The following POM121 variants were observed in gnomAD, a reference collection of about 807,000 sequenced individuals.
POM121 encodes the protein POM121 transmembrane nucleoporin.
Under a neutral mutation model 81.3 loss-of-function variants are expected in POM121, and 32 were observed. The ratio of observed to expected loss-of-function variants is 0.39; its 90% confidence interval spans 0.30 to 0.53. POM121 has a LOEUF of 0.53. Among genes scored for constraint, POM121 ranks in the 20% least tolerant of loss-of-function variants. The pLI is 0.66. For missense variants in POM121, 1,138 were observed against 1,614.6 expected (o/e 0.70, Z 5.06); for synonymous variants, 514 against 694.2 (o/e 0.74, Z 4.08).
rs1044509 is a variant in POM121, at chr7:72,947,868, T to C, written c.*1634T>C. 1.0e-6 allele frequency: 1 copy of C among 993,200 alleles called. No homozygotes were observed. Among genetic ancestry groups the C allele is most frequent in the African/African-American group, 1.8e-5 (1 of 56,750 alleles). The allele number at this position is 993,200 out of a possible 1,614,324, so 61.5% of individuals were successfully genotyped here. A position where few individuals can be genotyped will look rare whatever the true frequency, so the allele number is the denominator to read the frequency against. ...GCCCCCTCCCCGATGTGACTGAGGG[T>C]GAGTGAGTGGTGGCGGGGCTGCTCC... On this transcript the variant is annotated 3_prime_UTR_variant, in exon 13 of 13. Transcript: ENST00000434423.
chr7:72,922,642 T>C (rs1305231394), upstream of POM121, among the ~76,000 whole-genome samples: 2 of 152,148 alleles, frequency 1.3e-5, no homozygotes, highest in African/African-American at 2.4e-5. Context: ...TCCGCCCACC[T>C]TGGCCTCCAA....
At chr7:72,903,760 T>G (rs782607474) in intron 3 of POM121, among the ~76,000 whole-genome samples, 2 of 152,270 alleles carry the variant, frequency 1.3e-5, no homozygotes, top group Non-Finnish European at 2.9e-5. Flanking sequence ...CCTTCAGGGC[T>G]TAGCCAGTCT....
At chr7:72,938,743 G>C (rs1796769993) in intron 6 of POM121, 62 bp downstream of exon 6, 1 of 1,558,368 alleles carries the variant, frequency 6.4e-7, no homozygotes, top group Admixed American at 1.7e-5. Context: ...GAGGAAAGGT[G>C]GGAAACGAAC....
chr7:72,892,500 C>T (rs1219577579), intron 3 of POM121, among the ~76,000 whole-genome samples: 2 of 152,206 alleles, frequency 1.3e-5, no homozygotes, highest in Non-Finnish European at 2.9e-5. Flanking sequence ...TTTCTTTTGA[C>T]ATTAGTGTTC....
chr7:72,920,389 C>T (rs1554495802), upstream of POM121, among the ~76,000 whole-genome samples: 1 of 146,382 alleles, frequency 6.8e-6, no homozygotes, highest in Non-Finnish European at 1.5e-5. Context: ...GGCTCTGTCA[C>T]CCAGGCTGGA....
chr7:72,924,602 C>CT (rs1410885516), upstream of POM121: 1 of 153,110 alleles, frequency 6.5e-6, no homozygotes, highest in Non-Finnish European at 1.5e-5. Flanking sequence ...AACCACTAAT[C>CT]TACCTTCTCA....
chr7:72,899,715 A>AC (rs1554492325), intron 3 of POM121, among the ~76,000 whole-genome samples: 1 of 151,432 alleles, frequency 6.6e-6, no homozygotes, highest in Non-Finnish European at 1.5e-5. Context: ...AGTAGCTGGG[A>AC]CTACAGGCAT....
chr7:72,912,468 GA>G (rs1359832064), intron 3 of POM121, among the ~76,000 whole-genome samples: 7 of 152,120 alleles, frequency 4.6e-5, no homozygotes, highest in African/African-American at 1.7e-4. Context: ...CAGTTGGGCT[GA>G]ATCTTAAAAG....
downstream of POM121, chr7:72,949,049 G>T (rs141256152): frequency 2.5e-6 from 4 of 1,613,360 alleles, no homozygotes; most frequent in South Asian, 4.4e-5. Context: ...GCATGCAGAC[G>T]CACCGGGCTA....
At position 72,945,613 on chromosome 7, in the gene POM121, A is replaced by G. The variant is rs1554502998; in HGVS notation, c.3557A>G (p.Asn1186Ser). The G allele has an allele frequency of 5.0e-6, 8 of 1,613,458 alleles. 1 individual carries two copies. The highest frequency in any genetic ancestry group is 6.8e-6 in the Non-Finnish European group (8 of 1,179,674). Reference sequence around the variant, plus strand: ...ACCGCCACCCCCACCTTTGGTCTGAACACCCCTGCGCCTGGAGTGGGCACA... The same window carrying G: ...ACCGCCACCCCCACCTTTGGTCTGAGCACCCCTGCGCCTGGAGTGGGCACA... ...GGTATPTFGL[N>S]TPAPGVGTSG... Residue 1186 changes from asparagine (N) to serine (S), a missense_variant, in exon 12 of 13, where the codon AAC becomes AGC. By Grantham distance (46) the Asn-to-Ser change is conservative. This residue lies in a region of POM121 where 336 missense variants were observed against 344.3 expected (regional missense o/e 0.98). Transcript: ENST00000434423.
At chr7:72,900,426 C>T (rs572307804) in intron 3 of POM121, among the ~76,000 whole-genome samples, 2 of 146,972 alleles carry the variant, frequency 1.4e-5, no homozygotes, top group East Asian at 4.0e-4. Flanking sequence ...TTGATCTTTT[C>T]GAAGAGCCAA....
At chr7:72,943,733 G>A (rs1797375533) in intron 11 of POM121, among the ~76,000 whole-genome samples, 1 of 151,958 alleles carries the variant, frequency 6.6e-6, no homozygotes, top group Admixed American at 6.6e-5. Context: ...GGCCTTCTGA[G>A]TAGTTAACAA....
intron 1 of POM121, 75 bp from the exon 2 acceptor site, chr7:72,926,187 G>A: frequency 7.2e-7 from 1 of 1,395,066 alleles, no homozygotes; most frequent in Non-Finnish European, 9.8e-7. Flanking sequence ...GTCTGAACTG[G>A]TGGGTTTTTA....
chr7:72,924,309 A>G (rs180875167), upstream of POM121: 1 of 152,326 alleles, frequency 6.6e-6, no homozygotes, highest in Admixed American at 6.5e-5. Flanking sequence ...CAGAGATCCT[A>G]TATTTTCCCC....
intron 3 of POM121, among the ~76,000 whole-genome samples, chr7:72,894,384 C>T (rs1791639916): frequency 6.6e-6 from 1 of 151,994 alleles, no homozygotes; most frequent in African/African-American, 2.4e-5. Context: ...TCAAGACCAG[C>T]CTGGTCAACA....
At chr7:72,939,540 G>C in intron 7 of POM121, 131 bp downstream of exon 7, 2 of 1,391,394 alleles carry the variant, frequency 1.4e-6, no homozygotes, top group Middle Eastern at 2.1e-4. Context: ...TACAAAGAGA[G>C]AGATTTCCTC....
intron 1 of POM121, chr7:72,879,971 G>T (rs1554489040): frequency 9.8e-6 from 4 of 408,984 alleles, no homozygotes; most frequent in Admixed American, 5.7e-5. Context: ...GGGGCAGAGG[G>T]AGCGTCCCGA....
chr7:72,907,929 T>C (rs1793428689), intron 3 of POM121, among the ~76,000 whole-genome samples: 1 of 152,216 alleles, frequency 6.6e-6, no homozygotes, highest in African/African-American at 2.4e-5. Flanking sequence ...GTTTGTTTTC[T>C]CTCTGTTGGT....
chr7:72,912,150 C>T (rs1330113268), intron 3 of POM121, among the ~76,000 whole-genome samples: 2 of 152,208 alleles, frequency 1.3e-5, no homozygotes, highest in Admixed American at 1.3e-4. Context: ...TCTTTGGCCT[C>T]CCAAAGTGCT....
Sources: allele counts gnomAD v4.1 joint callset (sites outside exome capture counted in the v4.1 genomes callset), GRCh38; gene constraint gnomAD v4.1.1; regional missense constraint gnomAD v4.1.1; transcripts MANE v1.5; gene names NCBI Gene and HGNC (gene_info 2026-07-23, HGNC 2026-07-21).